The following PCDH7 variants were observed in gnomAD, a reference collection of about 807,000 sequenced individuals.
PCDH7 encodes the protein protocadherin-7.
In PCDH7, 17 loss-of-function variants were observed where a neutral mutation model predicts 58.9. The observed-to-expected ratio is 0.29, with a 90% confidence interval of 0.20 to 0.43. PCDH7 has a LOEUF of 0.43. Among genes scored for constraint, PCDH7 ranks in the 20% least tolerant of loss-of-function variants. The pLI is 1.00. For missense variants in PCDH7, 1,274 were observed against 1,441.0 expected (o/e 0.88, Z 1.88); for synonymous variants, 664 against 616.4 (o/e 1.08, Z -1.14).
chr4:30,857,334 G>T (rs1485417480), intron 1 of PCDH7, among the ~76,000 whole-genome samples: 1 of 151,978 alleles, frequency 6.6e-6, no homozygotes, highest in African/African-American at 2.4e-5. Flanking sequence ...TATTATTGAG[G>T]GTGACATAGA....
chr4:31,144,886 A>G (rs1018515222), downstream of PCDH7: 5 of 152,248 alleles, frequency 3.3e-5, no homozygotes, highest in Non-Finnish European at 5.9e-5. Context: ...GAAAGATGCA[A>G]TTCTAGTACT....
intron 1 of PCDH7, among the ~76,000 whole-genome samples, chr4:30,871,308 C>T (rs144548663): frequency 1.3e-5 from 2 of 152,140 alleles, no homozygotes; most frequent in East Asian, 1.9e-4. Flanking sequence ...TAGGGTTTTG[C>T]TCCATGTATC....
At chr4:30,998,861 T>G (rs1435902491) in intron 3 of PCDH7, among the ~76,000 whole-genome samples, 1 of 152,140 alleles carries the variant, frequency 6.6e-6, no homozygotes, top group Non-Finnish European at 1.5e-5. Context: ...AAAAGGGTCC[T>G]TTTGAAAATA....
intron 3 of PCDH7, among the ~76,000 whole-genome samples, chr4:31,104,933 T>C (rs1273295735): frequency 1.3e-5 from 2 of 152,196 alleles, no homozygotes; most frequent in Admixed American, 1.3e-4. Context: ...GTAAAAGGGT[T>C]GGACAAGCTA....
intron 3 of PCDH7, among the ~76,000 whole-genome samples, chr4:31,084,952 TAGCCGCCCAAGGGGTTCAC>T: frequency 6.6e-6 from 1 of 152,058 alleles, no homozygotes; most frequent in Non-Finnish European, 1.5e-5. Flanking sequence ...CCTACCTCTG[TAGCCGCCCAAGGGGTTCAC>T]CTTGCCCGCT....
At chr4:31,049,793 T>G (rs1756591336) in intron 3 of PCDH7, among the ~76,000 whole-genome samples, 2 of 152,052 alleles carry the variant, frequency 1.3e-5, no homozygotes, top group Non-Finnish European at 2.9e-5. Flanking sequence ...AGTCACATGG[T>G]CTCCAGTGAG....
At chr4:31,032,656 G>GGA (rs1553929063) in intron 3 of PCDH7, among the ~76,000 whole-genome samples, 105 of 92,234 alleles carry the variant, frequency 1.1e-3, no homozygotes, top group African/African-American at 4.9e-3. Flanking sequence ...GAGAGAGAGA[G>GGA]AGGAAGGAAG....
chr4:31,021,543 A>T (rs1327655811), intron 3 of PCDH7, among the ~76,000 whole-genome samples: 1 of 152,178 alleles, frequency 6.6e-6, no homozygotes, highest in Non-Finnish European at 1.5e-5. Context: ...CTGTTTGCTT[A>T]TATAATTCAG....
intron 1 of PCDH7, among the ~76,000 whole-genome samples, chr4:30,824,589 T>C (rs926806583): frequency 1.3e-5 from 2 of 152,180 alleles, no homozygotes; most frequent in African/African-American, 4.8e-5. Context: ...GCGCAGTGGC[T>C]ACTCTAGGGG....
chr4:30,983,407 C>G (rs1356736357), intron 3 of PCDH7, among the ~76,000 whole-genome samples: 3 of 152,182 alleles, frequency 2.0e-5, no homozygotes, highest in East Asian at 1.9e-4. Flanking sequence ...GAGTGGAGGA[C>G]TAGTTTGTTT....
intron 3 of PCDH7, among the ~76,000 whole-genome samples, chr4:31,028,185 G>T (rs1444496845): frequency 6.6e-6 from 1 of 151,970 alleles, no homozygotes; most frequent in Non-Finnish European, 1.5e-5. Context: ...GTGATATTAG[G>T]ATATATAAAA....
At chr4:30,811,713 A>G (rs1188627432) in intron 1 of PCDH7, among the ~76,000 whole-genome samples, 1 of 152,226 alleles carries the variant, frequency 6.6e-6, no homozygotes, top group African/African-American at 2.4e-5. Flanking sequence ...TTATGCCAAT[A>G]TAGTCATAAA....
intron 1 of PCDH7, among the ~76,000 whole-genome samples, chr4:30,782,833 G>A (rs1420534276): frequency 6.6e-6 from 1 of 152,120 alleles, no homozygotes; most frequent in Admixed American, 6.6e-5. Flanking sequence ...AGATAAGGAT[G>A]TTCCTTTCCT....
chr4:30,775,689 C>G (rs1487482506), intron 1 of PCDH7, among the ~76,000 whole-genome samples: 1 of 151,996 alleles, frequency 6.6e-6, no homozygotes, highest in Non-Finnish European at 1.5e-5. Context: ...GGGAGGATCA[C>G]GAGGTCAGGA....
chr4:31,011,863 T>A (rs1212919150), intron 3 of PCDH7, among the ~76,000 whole-genome samples: 1 of 152,084 alleles, frequency 6.6e-6, no homozygotes, highest in Non-Finnish European at 1.5e-5. Context: ...TATACCATAA[T>A]TATTTTTTAA....
At chr4:30,780,626 A>G (rs1034025077) in intron 1 of PCDH7, among the ~76,000 whole-genome samples, 1 of 152,222 alleles carries the variant, frequency 6.6e-6, no homozygotes, top group Non-Finnish European at 1.5e-5. Flanking sequence ...CTTCTAGAGC[A>G]CCAATCTTTA....
At chr4:31,015,855 A>G (rs1302159811) in intron 3 of PCDH7, among the ~76,000 whole-genome samples, 1 of 152,158 alleles carries the variant, frequency 6.6e-6, no homozygotes, top group Non-Finnish European at 1.5e-5. Flanking sequence ...GTAAGTACAG[A>G]CTTTATTTAA....
At chr4:30,931,952 T>C (rs760240746) in intron 2 of PCDH7, among the ~76,000 whole-genome samples, 13 of 152,118 alleles carry the variant, frequency 8.5e-5, no homozygotes, top group Non-Finnish European at 1.8e-4. Context: ...TCCTCTAGTA[T>C]GACTTTTATA....
intron 3 of PCDH7, among the ~76,000 whole-genome samples, chr4:31,038,723 T>C (rs1755612053): frequency 6.6e-6 from 1 of 152,334 alleles, no homozygotes; most frequent in African/African-American, 2.4e-5. Context: ...TCAATTTATG[T>C]TGTATGTTAT....
Sources: allele counts gnomAD v4.1 joint callset (sites outside exome capture counted in the v4.1 genomes callset), GRCh38; gene constraint gnomAD v4.1.1; transcripts MANE v1.5; gene names NCBI Gene and HGNC (gene_info 2026-07-23, HGNC 2026-07-21).